Variants in TCF7L1 observed in about 807,000 individuals in gnomAD.
TCF7L1 encodes the protein transcription factor 7-like 1.
TCF7L1 carries 18 observed loss-of-function variants against 63.7 expected under a neutral mutation model. The observed-to-expected ratio is 0.28, with a 90% CI of 0.20 to 0.42. The LOEUF (loss-of-function observed/expected upper bound fraction) is 0.42. TCF7L1 is among the 10% of genes least tolerant of loss of function. The pLI, the probability that TCF7L1 is intolerant of heterozygous loss-of-function variation, is 1.00. For missense variants in TCF7L1, 654 were observed against 779.3 expected (o/e 0.84, Z 1.91); for synonymous variants, 355 against 340.9 (o/e 1.04, Z -0.46).
rs746247540 is a variant in TCF7L1, at chr2:85,274,524, T to A, written c.442-8971T>A. Among the ~76,000 whole-genome samples the A allele has an allele frequency of 3.6e-4, 54 of 151,952 alleles. 1 individual carries two copies. Among genetic ancestry groups the A allele is most frequent in the Admixed American group, 7.9e-4 (12 of 15,252 alleles). The stretch of plus-strand genomic sequence containing the variant: ...CATGTGTGTCTCAGCTTTCCAGCCA[T>A]CCCAGCAAGTCAGGACACATCTGAG... On this transcript the variant is annotated intron_variant, in intron 3 of 11. Coordinates refer to ENST00000282111, the MANE Select transcript of TCF7L1 (RefSeq NM_031283.3).
At chr2:85,222,340 C>CA (rs1273144437) in intron 3 of TCF7L1, among the ~76,000 whole-genome samples, 99 of 95,784 alleles carry the variant, frequency 1.0e-3, no homozygotes, top group African/African-American at 1.6e-3. Flanking sequence ...GACTCCATCT[C>CA]AAAAAAAAAA....
intron 3 of TCF7L1, among the ~76,000 whole-genome samples, chr2:85,208,884 A>G (rs1679477208): frequency 6.6e-6 from 1 of 152,206 alleles, no homozygotes; most frequent in Admixed American, 6.5e-5. Context: ...TAAGAACAAG[A>G]TTACTTTACA....
chr2:85,229,587 T>C (rs1680028102), intron 3 of TCF7L1, among the ~76,000 whole-genome samples: 1 of 152,160 alleles, frequency 6.6e-6, no homozygotes, highest in Admixed American at 6.5e-5. Flanking sequence ...ACCTCGTCTG[T>C]CTTGAGCTAC....
chr2:85,169,519 C>T (rs1678498798), intron 3 of TCF7L1, among the ~76,000 whole-genome samples: 1 of 152,114 alleles, frequency 6.6e-6, no homozygotes, highest in South Asian at 2.1e-4. Context: ...ACCTCACAAT[C>T]AAACACAATT....
At chr2:85,245,045 T>C (rs1013002775) in intron 3 of TCF7L1, among the ~76,000 whole-genome samples, 3 of 152,188 alleles carry the variant, frequency 2.0e-5, no homozygotes, top group Non-Finnish European at 4.4e-5. Context: ...AGGTCTTTGC[T>C]GTCCTCAAAA....
chr2:85,232,903 CTTTTTTG>C (rs1249265756), intron 3 of TCF7L1: 1 of 152,068 alleles, frequency 6.6e-6, no homozygotes, highest in Non-Finnish European at 1.5e-5. Context: ...AAAGGGGATT[CTTTTTTG>C]TTTTTTGTTT....
chr2:85,195,057 A>G (rs911256688), intron 3 of TCF7L1, among the ~76,000 whole-genome samples: 3 of 152,242 alleles, frequency 2.0e-5, no homozygotes, highest in African/African-American at 4.8e-5. Context: ...CATTTGCCCT[A>G]TGGCGTAGTG....
intron 3 of TCF7L1, among the ~76,000 whole-genome samples, chr2:85,200,302 C>T (rs148906466): frequency 6.6e-6 from 1 of 152,124 alleles, no homozygotes; most frequent in Non-Finnish European, 1.5e-5. Context: ...GGACGCCAAC[C>T]CCTCATGCAG....
chr2:85,199,085 T>C (rs1269242829), intron 3 of TCF7L1, among the ~76,000 whole-genome samples: 2 of 152,010 alleles, frequency 1.3e-5, no homozygotes, highest in Non-Finnish European at 2.9e-5. Context: ...CCAGGCTTTC[T>C]GTCTCTGCCA....
At chr2:85,152,542 C>T (rs1280163768) in intron 3 of TCF7L1, among the ~76,000 whole-genome samples, 11 of 150,012 alleles carry the variant, frequency 7.3e-5, no homozygotes, top group African/African-American at 2.7e-4. Context: ...TCAAGCAATT[C>T]TCCTGCCTCA....
chr2:85,232,525 C>A (rs1680106823), intron 3 of TCF7L1, among the ~76,000 whole-genome samples: 1 of 152,200 alleles, frequency 6.6e-6, no homozygotes, highest in East Asian at 1.9e-4. Context: ...TCCGCCAAGA[C>A]CTCTGTGAGG....
At chr2:85,209,535 A>T (rs754845518) in intron 3 of TCF7L1, among the ~76,000 whole-genome samples, 13 of 152,170 alleles carry the variant, frequency 8.5e-5, no homozygotes, top group African/African-American at 2.7e-4. Flanking sequence ...GAGAAGAGAG[A>T]TTGGGAAACT....
At chr2:85,280,828 A>G (rs1468017798) in intron 3 of TCF7L1, among the ~76,000 whole-genome samples, 3 of 152,106 alleles carry the variant, frequency 2.0e-5, no homozygotes, top group Non-Finnish European at 4.4e-5. Context: ...AAGACAGAGA[A>G]GGAGAGAGAA....
intron 3 of TCF7L1, among the ~76,000 whole-genome samples, chr2:85,147,914 T>G (rs114375470): frequency 6.6e-6 from 1 of 152,108 alleles, no homozygotes. Flanking sequence ...AAATATTAAG[T>G]TGGACCATCA....
chr2:85,286,966 C>T (rs1276702980), intron 4 of TCF7L1, among the ~76,000 whole-genome samples: 7 of 152,192 alleles, frequency 4.6e-5, no homozygotes, highest in Non-Finnish European at 1.0e-4. Flanking sequence ...AACACGTGTA[C>T]TCTGAGTTTC....
At chr2:85,296,356 A>G (rs1226164072) in intron 4 of TCF7L1, among the ~76,000 whole-genome samples, 1 of 152,092 alleles carries the variant, frequency 6.6e-6, no homozygotes, top group Non-Finnish European at 1.5e-5. Context: ...ATGTTTCGTC[A>G]TGGTTAGATT....
intron 3 of TCF7L1, among the ~76,000 whole-genome samples, chr2:85,191,066 T>TA (rs1421182703): frequency 6.6e-6 from 1 of 152,038 alleles, no homozygotes; most frequent in East Asian, 1.9e-4. Flanking sequence ...AAAGGAAAAA[T>TA]ACCTCTACTA....
chr2:85,198,419 C>T (rs972577264), intron 3 of TCF7L1, among the ~76,000 whole-genome samples: 4 of 152,162 alleles, frequency 2.6e-5, no homozygotes, highest in East Asian at 1.9e-4. Context: ...GAGAGGTGTC[C>T]GTGGCTCCCT....
intron 11 of TCF7L1, among the ~76,000 whole-genome samples, chr2:85,308,616 C>T (rs562205711): frequency 6.6e-6 from 1 of 151,556 alleles, no homozygotes; most frequent in South Asian, 2.1e-4. Flanking sequence ...CATAGGAGCG[C>T]ACATGAGTGG....
Sources: gnomAD v4.1 joint callset for allele counts (sites outside exome capture counted in the v4.1 genomes callset) on GRCh38, gnomAD v4.1.1 for gene constraint, MANE v1.5 for transcripts, NCBI Gene and HGNC (gene_info 2026-07-23, HGNC 2026-07-21) for gene names.